DERA: variants seen among roughly 807,000 people sequenced by gnomAD.
DERA encodes the protein deoxyribose-phosphate aldolase, also known as 2-deoxy-D-ribose 5-phosphate aldolase.
A neutral mutation model predicts 41.1 loss-of-function variants in DERA; 15 were observed. The ratio of observed to expected loss-of-function variants is 0.37; its 90% CI spans 0.24 to 0.56. DERA has a LOEUF of 0.56. Ranked by LOEUF, DERA falls within the 20% of genes least tolerant of loss-of-function variation. The pLI is 0.81. For synonymous variants in DERA, 139 were observed against 137.4 expected, an observed-to-expected ratio of 1.01 and a Z score of -0.08; for missense variants, 396 against 403.4, an observed-to-expected ratio of 0.98 and a Z score of 0.16.
In DERA at chr12:15,921,957, A is replaced by G. The variant is rs1009929569; in HGVS notation, c.31+10543A>G. Among the ~76,000 whole-genome samples the G allele has an allele frequency of 5.9e-5, 9 of 152,192 alleles. No individual in the cohort carries two copies. The highest frequency in any genetic ancestry group is 5.2e-4 in the Admixed American group (8 of 15,280). On this transcript the variant is annotated intron_variant, in intron 1 of 8. Coordinates refer to ENST00000428559, the MANE Select transcript of DERA (RefSeq NM_015954.4). The surrounding 1 kb of genome is among the most constrained non-coding windows in gnomAD (Gnocchi z 5.3). Reference sequence around the variant, plus strand: ...AATAATAATAATAAATAATTTTCCAAGGAATAAACAAGAAATGTATTTTAG... The same window carrying G: ...AATAATAATAATAAATAATTTTCCAGGGAATAAACAAGAAATGTATTTTAG...
chr12:15,946,538 G>A (rs1948450308), intron 1 of DERA, among the ~76,000 whole-genome samples: 1 of 151,996 alleles, frequency 6.6e-6, no homozygotes, highest in South Asian at 2.1e-4. Flanking sequence ...AGTATTCTCT[G>A]ATGGTAGTTT....
At position 15,989,214 on chromosome 12, in the gene DERA, C is replaced by G. The variant is rs1173198321; in HGVS notation, c.637+6778C>G. Among the ~76,000 whole-genome samples, 2 of 152,230 alleles carry G rather than the reference C, an allele frequency of 1.3e-5. No individual in the cohort carries two copies. The highest frequency in any genetic ancestry group is 6.5e-5 in the Admixed American group (1 of 15,284). ...CCCACCTGTTCCCAGACCTCACCAG[C>G]TCCACGGAGTGTGCAGCCCTAGCCA... is the stretch of plus-strand genomic sequence containing the variant. On this transcript the variant is annotated intron_variant, in intron 6 of 8. Transcript: ENST00000428559. This position sits in a 1 kb window ranked among gnomAD's most constrained non-coding sequence, Gnocchi z 5.2.
chr12:15,968,370 G>A (rs775870172), intron 5 of DERA, among the ~76,000 whole-genome samples: 2 of 152,166 alleles, frequency 1.3e-5, no homozygotes, highest in Non-Finnish European at 2.9e-5. Flanking sequence ...GCTAAGAAGT[G>A]CATCTGCTTC....
intron 7 of DERA, among the ~76,000 whole-genome samples, chr12:16,034,028 C>T (rs1004374506): frequency 6.6e-6 from 1 of 152,158 alleles, no homozygotes; most frequent in Non-Finnish European, 1.5e-5. Context: ...AAACTACCAC[C>T]ACTCATTTGA....
In DERA at chr12:16,036,682, C is replaced by T; in HGVS notation, c.901-8C>T. ...TGATTGTTAATTAAACTCTGCTTTT[C>T]CTCACAGATTTACCATCATGTGACT... On this transcript the variant is annotated splice_polypyrimidine_tract_variant and splice_region_variant and intron_variant, in intron 8 of 8. Coordinates refer to ENST00000428559, the MANE Select transcript of DERA (RefSeq NM_015954.4). The surrounding 1 kb of genome is among the most constrained non-coding windows in gnomAD (Gnocchi z 4.9). The T allele has an allele frequency of 6.3e-7, 1 of 1,595,450 alleles. No homozygotes were observed. The highest frequency in any genetic ancestry group is 8.6e-7 in the Non-Finnish European group (1 of 1,168,506).
chr12:15,964,382 C>T (rs1948609216), intron 5 of DERA, among the ~76,000 whole-genome samples: 1 of 152,130 alleles, frequency 6.6e-6, no homozygotes. Flanking sequence ...CCCAAGTTCC[C>T]CATTAATACT....
rs1297663990 is a variant in DERA at position 15,935,451 on chromosome 12, C to T, written c.32-21485C>T. Among the ~76,000 whole-genome samples, 2 of 152,250 alleles carry T rather than the reference C, an allele frequency of 1.3e-5. No individual in the cohort carries two copies. The highest frequency in any genetic ancestry group is 2.9e-5 in the Non-Finnish European group (2 of 68,026). On this transcript the variant is annotated intron_variant, in intron 1 of 8. Transcript: ENST00000428559. This position sits in a 1 kb window ranked among gnomAD's most constrained non-coding sequence, Gnocchi z 4.8. ...GCAGTGAGCAATGATTATGCCACTG[C>T]ACTCCAGCCTGGGCAACAGAGTGAG...
rs1348460116 is a variant in DERA at position 15,965,399 on chromosome 12, G to A, written c.508+2452G>A. Among the ~76,000 whole-genome samples, 1 of 152,146 alleles carries A rather than the reference G, an allele frequency of 6.6e-6. No individual in the cohort carries two copies. Among genetic ancestry groups the A allele is most frequent in the African/African-American group, 2.4e-5 (1 of 41,424 alleles). On this transcript the variant is annotated intron_variant, in intron 5 of 8. Coordinates refer to ENST00000428559, the MANE Select transcript of DERA (RefSeq NM_015954.4). The surrounding 1 kb of genome is among the most constrained non-coding windows in gnomAD (Gnocchi z 4.1). ...GCTGCACCTATCAACCCATCACCTAGGTAGGTATTAAGTGCCTCATGCATT... is the reference window on the plus strand; with the variant it reads ...GCTGCACCTATCAACCCATCACCTAAGTAGGTATTAAGTGCCTCATGCATT...
chr12:16,024,828 C>T (rs1231246418), intron 6 of DERA, among the ~76,000 whole-genome samples: 1 of 152,038 alleles, frequency 6.6e-6, no homozygotes, highest in Non-Finnish European at 1.5e-5. Context: ...AAATTTTTAA[C>T]TGATTTAAAA....
chr12:15,993,835 G>C lies in DERA; in HGVS notation c.637+11399G>C, dbSNP rs748078695. ...AGCTCTGTAGAGGAAAGAAGTTATC[G>C]TATTTTCTGGCTTCCCAGCAATGCA... On this transcript the variant is annotated intron_variant, in intron 6 of 8. Transcript: ENST00000428559. This position sits in a 1 kb window ranked among gnomAD's most constrained non-coding sequence, Gnocchi z 4.4. 2.9e-4 allele frequency among the ~76,000 whole-genome samples: 44 copies of C among 152,212 alleles called. No homozygotes were observed. The highest frequency in any genetic ancestry group is 5.6e-4 in the Non-Finnish European group (38 of 68,000).
chr12:15,941,267 G>T lies in DERA; in HGVS notation c.32-15669G>T, dbSNP rs917697873. On this transcript the variant is annotated intron_variant, in intron 1 of 8. Transcript: ENST00000428559. This position sits in a 1 kb window ranked among gnomAD's most constrained non-coding sequence, Gnocchi z 4.5. ...CTCTTGCATGATTGAGCTCAGGCCG[G>T]GGCTCAACTAGCTGCTATAGCAAAT... Among the ~76,000 whole-genome samples, 4 of 152,096 alleles carry T rather than the reference G, an allele frequency of 2.6e-5. No individual in the cohort carries two copies. Among genetic ancestry groups the T allele is most frequent in the African/African-American group, 9.7e-5 (4 of 41,416 alleles).
At chr12:16,025,843 C>T (rs549361578) in intron 6 of DERA, among the ~76,000 whole-genome samples, 1 of 152,026 alleles carries the variant, frequency 6.6e-6, no homozygotes, top group Non-Finnish European at 1.5e-5. Context: ...GAAAATCACA[C>T]AAAATATGTT....
chr12:16,036,353 G>A lies in DERA; in HGVS notation c.872G>A (p.Ser291Asn), dbSNP rs1262936673. The A allele has an allele frequency of 1.2e-6, 2 of 1,611,534 alleles. No homozygotes were observed. Among genetic ancestry groups the A allele is most frequent in the East Asian group, 2.2e-5 (1 of 44,810 alleles). Residue 291 changes from serine to asparagine, a missense_variant, in exon 8 of 9, where the codon AGT becomes AAT. Transcript: ENST00000428559. The surrounding 1 kb of genome is among the most constrained non-coding windows in gnomAD (Gnocchi z 4.9). Reference protein sequence around the residue: ...LKPELFRIGASTLLSDIERQI... With the variant: ...LKPELFRIGANTLLSDIERQI... ...CCAGAACTCTTTCGAATAGGTGCCA[G>A]TACTCTGCTCTCGGACATTGAGAGG...
chr12:16,029,347 C>T (rs1436279793), intron 6 of DERA, among the ~76,000 whole-genome samples: 4 of 152,032 alleles, frequency 2.6e-5, no homozygotes, highest in Non-Finnish European at 4.4e-5. Flanking sequence ...GGCGTGAACC[C>T]GGGAGGCGGA....
rs1327928241 is a variant in DERA at position 15,981,714 on chromosome 12, C to A, written c.509-594C>A. Among the ~76,000 whole-genome samples the A allele has an allele frequency of 6.6e-6, 1 of 152,144 alleles. No homozygotes were observed. Among genetic ancestry groups the A allele is most frequent in the East Asian group, 1.9e-4 (1 of 5,188 alleles). ...ACAGATTTAAGGCAGCATCTCTGAG[C>A]CTCCCTGCAGAGATGGCTTTGTACA... On this transcript the variant is annotated intron_variant, in intron 5 of 8. Transcript: ENST00000428559. The surrounding 1 kb of genome is among the most constrained non-coding windows in gnomAD (Gnocchi z 6.1).
At chr12:15,947,466 CTTCT>C (rs937637678) in intron 1 of DERA, among the ~76,000 whole-genome samples, 156 of 152,266 alleles carry the variant, frequency 1.0e-3, no homozygotes, top group African/African-American at 2.9e-3. Context: ...ATCTAATGGC[CTTCT>C]TTGTCTCTTT....
At chr12:15,987,862 G>C (rs1206427741) in intron 6 of DERA, among the ~76,000 whole-genome samples, 2 of 152,082 alleles carry the variant, frequency 1.3e-5, no homozygotes, top group African/African-American at 4.8e-5. Flanking sequence ...TGCTGGCCTG[G>C]GTCGCACAGC....
Position 16,036,496 on chromosome 12 carries a change from C to A in DERA, c.900+115C>A. On this transcript the variant is annotated intron_variant, in intron 8 of 8. Coordinates refer to ENST00000428559, the MANE Select transcript of DERA (RefSeq NM_015954.4). This position sits in a 1 kb window ranked among gnomAD's most constrained non-coding sequence, Gnocchi z 4.9. ...CTCATCTGATTGACCTCATCCTACC[C>A]AATCCTCTACCTTTTCTTCCAAGCA... 2 of 1,252,356 alleles carry A rather than the reference C, an allele frequency of 1.6e-6. No homozygotes were observed. The highest frequency in any genetic ancestry group is 1.5e-5 in the South Asian group (1 of 65,212). The allele number at this position is 1,252,356 out of a possible 1,614,324, so 77.6% of individuals were successfully genotyped here.
At position 15,959,718 on chromosome 12, in the gene DERA, AT is replaced by A. The variant is rs1325426066; in HGVS notation, c.278-104del. The A allele has an allele frequency of 3.1e-6, 2 of 653,150 alleles. No homozygotes were observed. Among genetic ancestry groups the A allele is most frequent in the Admixed American group, 2.7e-5 (1 of 36,506 alleles). 40.5% of individuals were successfully genotyped at this position (653,150 alleles called of 1,614,324 possible). The stretch of plus-strand genomic sequence containing the variant: ...TTTATTGCAGTATTGTGGGGGAATT[AT>A]TTTTTTCTCATTTGATTTTTGCCAG... On this transcript the variant is annotated intron_variant, in intron 3 of 8. Transcript: ENST00000428559. This position sits in a 1 kb window ranked among gnomAD's most constrained non-coding sequence, Gnocchi z 4.5.
Sources: allele counts gnomAD v4.1 joint callset (sites outside exome capture counted in the v4.1 genomes callset), GRCh38; gene constraint gnomAD v4.1.1; non-coding constraint Gnocchi (gnomAD v3.1); transcripts MANE v1.5; gene names NCBI Gene and HGNC (gene_info 2026-07-23, HGNC 2026-07-21).